Variants in PALM2AKAP2 observed in about 807,000 individuals in gnomAD.
PALM2AKAP2 encodes the protein PALM2-AKAP2 fusion protein.
A neutral mutation model predicts 71.5 loss-of-function variants in PALM2AKAP2; 37 were observed. The ratio of observed to expected loss-of-function variants is 0.52; its 90% CI spans 0.40 to 0.68. The LOEUF (loss-of-function observed/expected upper bound fraction) is 0.68. Among genes scored for constraint, PALM2AKAP2 ranks in the 30% least tolerant of loss-of-function variants. The probability of loss-of-function intolerance (pLI) is 0.00; values close to 1 mark genes in which losing one functional copy is unlikely to be tolerated. For synonymous variants in PALM2AKAP2, 468 were observed against 478.8 expected (o/e 0.98, Z 0.29); for missense variants, 1,224 against 1,191.8 (o/e 1.03, Z -0.40).
At chr9:109,783,386 C>T (rs984812902) in intron 1 of PALM2AKAP2, among the ~76,000 whole-genome samples, 4 of 151,642 alleles carry the variant, frequency 2.6e-5, no homozygotes, top group Non-Finnish European at 4.4e-5. Context: ...CATGACAGCT[C>T]GCTGCATCCT....
intron 1 of PALM2AKAP2, among the ~76,000 whole-genome samples, chr9:110,055,464 T>C (rs951545159): frequency 6.6e-6 from 1 of 152,204 alleles, no homozygotes; most frequent in African/African-American, 2.4e-5. Flanking sequence ...CCCAAAATGT[T>C]GGGATTACAG....
chr9:109,704,626 G>A (rs1423604953), intron 1 of PALM2AKAP2, among the ~76,000 whole-genome samples: 3 of 152,146 alleles, frequency 2.0e-5, no homozygotes, highest in African/African-American at 7.2e-5. Flanking sequence ...ACTGTTTCAA[G>A]GCTGTCCTTC....
chr9:109,843,559 T>G (rs1166371988), intron 1 of PALM2AKAP2, among the ~76,000 whole-genome samples: 1 of 152,178 alleles, frequency 6.6e-6, no homozygotes, highest in East Asian at 1.9e-4. Context: ...CAAAATATTT[T>G]ACAGATTAGA....
At chr9:109,732,033 G>T (rs1421744317) in intron 1 of PALM2AKAP2, among the ~76,000 whole-genome samples, 2 of 152,204 alleles carry the variant, frequency 1.3e-5, no homozygotes, top group East Asian at 3.8e-4. Context: ...CGTGCCTTCA[G>T]CAGGAGCCAC....
chr9:110,165,382 C>A (rs1029285484), intron 3 of PALM2AKAP2, among the ~76,000 whole-genome samples: 2 of 151,646 alleles, frequency 1.3e-5, no homozygotes, highest in African/African-American at 2.4e-5. Context: ...ATTTTTGAAT[C>A]TTCTGAAGAC....
chr9:110,010,536 CATAT>C (rs1199618288), intron 6 of PALM2AKAP2, among the ~76,000 whole-genome samples: 4 of 144,030 alleles, frequency 2.8e-5, no homozygotes, highest in Non-Finnish European at 6.0e-5. Flanking sequence ...AAATTCTCTA[CATAT>C]ATAAATTCTA....
chr9:109,843,323 AAG>A (rs1491464913), intron 1 of PALM2AKAP2, among the ~76,000 whole-genome samples: 2 of 149,712 alleles, frequency 1.3e-5, no homozygotes, highest in East Asian at 2.0e-4. Context: ...AAAAAAAAAA[AAG>A]AAGAAGACTT....
intron 7 of PALM2AKAP2, chr9:110,025,338 CT>C: frequency 2.5e-6 from 3 of 1,179,994 alleles, no homozygotes; most frequent in Non-Finnish European, 3.8e-6. Context: ...AGCCTCTCCT[CT>C]TTCCCTTTGT....
At chr9:109,835,235 T>TTAGGGAAAGAGGAGAGGGTG (rs1564171152) in intron 1 of PALM2AKAP2, among the ~76,000 whole-genome samples, 1 of 83,442 alleles carries the variant, frequency 1.2e-5, no homozygotes, top group Non-Finnish European at 2.5e-5. Flanking sequence ...AGGAGAGGGT[T>TTAGGGAAAGAGGAGAGGGTG]TAGGGAAAGA....
intron 1 of PALM2AKAP2, among the ~76,000 whole-genome samples, chr9:109,736,026 A>G (rs1368653775): frequency 1.3e-5 from 2 of 152,228 alleles, no homozygotes; most frequent in African/African-American, 4.8e-5. Context: ...CCAGCATAAG[A>G]AAGTTGCCTG....
At chr9:110,143,354 C>A (rs182539605) in intron 2 of PALM2AKAP2, among the ~76,000 whole-genome samples, 6 of 133,206 alleles carry the variant, frequency 4.5e-5, no homozygotes, top group African/African-American at 1.7e-4. Context: ...CCCAGGTGTT[C>A]AAGGCTGCAG....
Position 109,911,436 on chromosome 9 carries a change from G to A in PALM2AKAP2, c.258-12299G>A, listed in dbSNP as rs889061663. On this transcript the variant is annotated intron_variant, in intron 3 of 9. Coordinates refer to the PALM2AKAP2 transcript ENST00000302798. ...ACACATGAAAAGGAGAGAAAAGCTG[G>A]TGTCTCCATGGGCTGAAGCACACTT... is the stretch of plus-strand genomic sequence containing the variant. 3.9e-5 allele frequency among the ~76,000 whole-genome samples: 6 copies of A among 152,086 alleles called. 1 individual carries two copies. The highest frequency in any genetic ancestry group is 8.8e-5 in the Non-Finnish European group (6 of 68,020).
exon 3 of PALM2AKAP2, chr9:109,880,590 C>T (rs1829823049): frequency 6.2e-7 from 1 of 1,613,450 alleles, no homozygotes; most frequent in Admixed American, 1.7e-5. Flanking sequence ...GCAGGGCATA[C>T]CCGCTGGAAC....
At chr9:109,701,365 A>C (rs530592600) in intron 1 of PALM2AKAP2, among the ~76,000 whole-genome samples, 128 of 152,360 alleles carry the variant, frequency 8.4e-4, no homozygotes, top group African/African-American at 2.9e-3. Flanking sequence ...TATAGTAACC[A>C]AAACAGCATG....
At chr9:110,116,405 T>C (rs1202706275) in intron 1 of PALM2AKAP2, among the ~76,000 whole-genome samples, 1 of 152,124 alleles carries the variant, frequency 6.6e-6, no homozygotes, top group Non-Finnish European at 1.5e-5. Context: ...TGTGTGCGTG[T>C]GCGTGTGCGC....
At chr9:109,776,748 C>T (rs1403195634), upstream of PALM2AKAP2, among the ~76,000 whole-genome samples, 1 of 152,192 alleles carries the variant, frequency 6.6e-6, no homozygotes, top group Non-Finnish European at 1.5e-5. Context: ...TGTATATGAA[C>T]AAGTCTGTTA....
At chr9:109,856,703 T>A (rs1829177005) in intron 1 of PALM2AKAP2, among the ~76,000 whole-genome samples, 1 of 152,206 alleles carries the variant, frequency 6.6e-6, no homozygotes, top group Non-Finnish European at 1.5e-5. Flanking sequence ...TTATAGACAA[T>A]TGGTGTTTCC....
chr9:109,758,242 A>C (rs113293528), intron 1 of PALM2AKAP2, among the ~76,000 whole-genome samples: 3,533 of 152,182 alleles, frequency 0.023, 140 homozygotes, highest in African/African-American at 0.08. Context: ...CTATTGTATG[A>C]TATACAACAA....
chr9:109,646,953 A>G (rs969730107), intron 1 of PALM2AKAP2, among the ~76,000 whole-genome samples: 3 of 152,238 alleles, frequency 2.0e-5, no homozygotes, highest in Admixed American at 6.5e-5. Context: ...AAAGTAATGT[A>G]TGCTTTTTAA....
Sources: allele counts gnomAD v4.1 joint callset (sites outside exome capture counted in the v4.1 genomes callset), GRCh38; gene constraint gnomAD v4.1.1; transcripts MANE v1.5; gene names NCBI Gene and HGNC (gene_info 2026-07-23, HGNC 2026-07-21).